Variants in NDE1 observed in about 807,000 individuals in gnomAD.
The protein encoded by NDE1 is nudE neurodevelopment protein 1.
In NDE1, 28 loss-of-function variants were observed where a neutral mutation model predicts 43.4. That is an observed-to-expected ratio of 0.65 (90% CI 0.48 to 0.89). The LOEUF is 0.89. Ranked by LOEUF, NDE1 falls within the 40% of genes least tolerant of loss-of-function variation. NDE1 has a pLI of 0.00. For missense variants in NDE1, 441 were observed against 434.1 expected (o/e 1.02, Z -0.14); for synonymous variants, 184 against 172.0 (o/e 1.07, Z -0.55).
intron 1 of NDE1, among the ~76,000 whole-genome samples, chr16:15,664,375 GAC>G (rs2037194895): frequency 1.3e-5 from 2 of 151,950 alleles, no homozygotes; most frequent in South Asian, 4.2e-4. Flanking sequence ...TATTTATTTT[GAC>G]ACAGAGTCTC....
At chr16:15,706,552 A>C (rs1047538744) in intron 8 of NDE1, among the ~76,000 whole-genome samples, 1 of 152,196 alleles carries the variant, frequency 6.6e-6, no homozygotes, top group Admixed American at 6.5e-5. Flanking sequence ...TACTAAATAT[A>C]CTAAATTAGC....
In NDE1 at chr16:15,696,756, G is replaced by T. The variant is rs754159826; in HGVS notation, c.843G>T (p.Gln281His). Reference protein sequence around the residue: ...LASCRNLVYDQSPNRTGGPAS... With the variant: ...LASCRNLVYDHSPNRTGGPAS... ...CCTGCCGGAACCTCGTGTACGATCA[G>T]TCCCCAAACCGAACAGGTGGCCCAG... Residue 281 changes from glutamine (Q) to histidine (H), a missense_variant, in exon 8 of 9, where the codon CAG becomes CAT. Transcript: ENST00000396354. 9 of 1,614,214 alleles carry T rather than the reference G, an allele frequency of 5.6e-6. No homozygotes were observed. The South Asian group carries it at 6.6e-5, about 12-fold the overall frequency.
chr16:15,704,001 G>T, intron 8 of NDE1: 2 of 1,613,992 alleles, frequency 1.2e-6, no homozygotes, highest in Non-Finnish European at 1.7e-6. Flanking sequence ...TTATTCACTG[G>T]CCTTGGTTCC....
At chr16:15,654,609 A>C (rs1328582444) in intron 1 of NDE1, among the ~76,000 whole-genome samples, 1 of 148,862 alleles carries the variant, frequency 6.7e-6, no homozygotes, top group African/African-American at 2.5e-5. Flanking sequence ...ACTCAAAAAA[A>C]AAAAAAACAA....
At chr16:15,658,782 G>T (rs746062892) in intron 1 of NDE1, among the ~76,000 whole-genome samples, 5 of 152,146 alleles carry the variant, frequency 3.3e-5, no homozygotes, top group African/African-American at 1.2e-4. Flanking sequence ...TTAGCCTCCC[G>T]AGTAGTTGGG....
intron 8 of NDE1, chr16:15,720,106 T>G: frequency 6.2e-7 from 1 of 1,613,590 alleles, no homozygotes; most frequent in South Asian, 1.1e-5. Context: ...TGAGGGGAAC[T>G]GTGCCCTCCC....
At chr16:15,721,327 A>G in intron 8 of NDE1, 1 of 1,400,680 alleles carries the variant, frequency 7.1e-7, no homozygotes, top group Non-Finnish European at 1.0e-6. Flanking sequence ...GTTCGCTATG[A>G]AAAAGGCCAG....
At chr16:15,714,721 A>C (rs1596694761) in intron 8 of NDE1, 1 of 723,518 alleles carries the variant, frequency 1.4e-6, no homozygotes, top group East Asian at 2.5e-5. Flanking sequence ...CAGGCAAGGC[A>C]GGGCCCGGGT....
At chr16:15,702,793 TTTC>T (rs1318296675) in intron 8 of NDE1, among the ~76,000 whole-genome samples, 1 of 152,158 alleles carries the variant, frequency 6.6e-6, no homozygotes, top group Non-Finnish European at 1.5e-5. Flanking sequence ...ATCCTGTATT[TTTC>T]TTAAGATACT....
chr16:15,693,854 C>T lies in NDE1; in HGVS notation c.704-311C>T, dbSNP rs138344014. ...ACTCAAGAGGCCAAGGCAGGAGAAT[C>T]GCTTGAACCTGGGAGGCGGAGGTTG... On this transcript the variant is annotated intron_variant, in intron 6 of 8. Coordinates refer to ENST00000396354, the MANE Select transcript of NDE1 (RefSeq NM_017668.3). Among the ~76,000 whole-genome samples the T allele has an allele frequency of 4.3e-3, 654 of 152,242 alleles. 1 individual carries two copies. Among genetic ancestry groups the T allele is most frequent in the African/African-American group, 0.013 (552 of 41,554 alleles).
At chr16:15,709,187 T>G (rs1275010846) in intron 8 of NDE1, among the ~76,000 whole-genome samples, 1 of 152,084 alleles carries the variant, frequency 6.6e-6, no homozygotes, top group Non-Finnish European at 1.5e-5. Context: ...ATGATCTTCC[T>G]GCCTTGGCCT....
At chr16:15,662,236 G>GCCTATTCT (rs1474855469) in intron 1 of NDE1, among the ~76,000 whole-genome samples, 1 of 150,702 alleles carries the variant, frequency 6.6e-6, no homozygotes, top group African/African-American at 2.4e-5. Flanking sequence ...ACTGTACCTG[G>GCCTATTCT]CCTATTCTCA....
At chr16:15,685,378 C>T (rs1035844690) in intron 4 of NDE1, among the ~76,000 whole-genome samples, 6 of 152,014 alleles carry the variant, frequency 3.9e-5, no homozygotes, top group African/African-American at 7.2e-5. Context: ...CCTCAGCCTC[C>T]GAGTAGCTGG....
chr16:15,665,322 G>T (rs192724718), intron 2 of NDE1, among the ~76,000 whole-genome samples: 24 of 152,312 alleles, frequency 1.6e-4, no homozygotes, highest in African/African-American at 5.5e-4. Flanking sequence ...CTGAGCCTCA[G>T]TGAAGGCAGA....
chr16:15,704,262 A>G (rs975391329), intron 8 of NDE1: 3 of 906,146 alleles, frequency 3.3e-6, no homozygotes, highest in Non-Finnish European at 5.1e-6. Context: ...CACACACGGC[A>G]CAAATAAGAT....
chr16:15,663,764 GT>G (rs2037165890), intron 1 of NDE1, among the ~76,000 whole-genome samples: 1 of 151,972 alleles, frequency 6.6e-6, no homozygotes, highest in Non-Finnish European at 1.5e-5. Context: ...TAGGCACATA[GT>G]TTTATCATAA....
chr16:15,680,963 T>C (rs1412684626), intron 4 of NDE1, among the ~76,000 whole-genome samples: 1 of 151,986 alleles, frequency 6.6e-6, no homozygotes, highest in African/African-American at 2.4e-5. Flanking sequence ...TTTTCTCTTT[T>C]GAAAAAAAAT....
chr16:15,674,815 G>T (rs928406718), intron 3 of NDE1, among the ~76,000 whole-genome samples: 2 of 151,986 alleles, frequency 1.3e-5, no homozygotes, highest in African/African-American at 4.8e-5. Flanking sequence ...AGGCTCAAAT[G>T]GTGTTCCCAT....
Position 15,724,302 on chromosome 16 carries a change from G to T in NDE1, c.*51G>T. ...TATCATAAGCGGCCGCCTTCTCCTC[G>T]TACTGCTGGGTGAGGTTCTCGATCT... is the stretch of plus-strand genomic sequence containing the variant. On this transcript the variant is annotated 3_prime_UTR_variant, in exon 9 of 9. Transcript: ENST00000396354. The T allele has an allele frequency of 6.2e-7, 1 of 1,614,130 alleles. No individual in the cohort carries two copies. Among genetic ancestry groups the T allele is most frequent in the Non-Finnish European group, 8.5e-7 (1 of 1,180,020 alleles).
Sources: gnomAD v4.1 joint callset for allele counts (sites outside exome capture counted in the v4.1 genomes callset) on GRCh38, gnomAD v4.1.1 for gene constraint, MANE v1.5 for transcripts, NCBI Gene and HGNC (gene_info 2026-07-23, HGNC 2026-07-21) for gene names.